Variants in DYNC2LI1 observed in about 807,000 individuals in gnomAD.
The protein encoded by DYNC2LI1 is cytoplasmic dynein 2 light intermediate chain 1.
A neutral mutation model predicts 51.9 loss-of-function variants in DYNC2LI1; 45 were observed. The observed-to-expected ratio is 0.87, with a 90% CI of 0.68 to 1.11. The LOEUF is 1.11. DYNC2LI1 is among the 50% of genes most tolerant of loss of function. The pLI is 0.00. For synonymous variants in DYNC2LI1, 130 were observed against 137.8 expected, an observed-to-expected ratio of 0.94 and a Z score of 0.40; for missense variants, 490 against 417.4, an observed-to-expected ratio of 1.17 and a Z score of -1.51.
At chr2:43,810,085 G>C (rs369311714), downstream of DYNC2LI1, 4 of 582,852 alleles carry the variant, frequency 6.9e-6, no homozygotes, top group East Asian at 4.3e-4. Flanking sequence ...ATAAAAGTAA[G>C]AGTATTTGGT....
At chr2:43,791,057 A>T (rs1175747338) in intron 5 of DYNC2LI1, among the ~76,000 whole-genome samples, 1 of 152,182 alleles carries the variant, frequency 6.6e-6, no homozygotes, top group Non-Finnish European at 1.5e-5. Flanking sequence ...TCTACAAAAA[A>T]ATTAAAAAAT....
the DYNC2LI1 span, among the ~76,000 whole-genome samples, chr2:43,820,614 A>G: frequency 6.6e-6 from 1 of 151,796 alleles, no homozygotes; most frequent in Non-Finnish European, 1.5e-5. Context: ...ACTCCATTCC[A>G]TTCTTGTCTT....
At chr2:43,780,058 G>C (rs538768599) in intron 2 of DYNC2LI1, among the ~76,000 whole-genome samples, 6 of 152,204 alleles carry the variant, frequency 3.9e-5, no homozygotes, top group African/African-American at 1.4e-4. Flanking sequence ...GTGAAGGTAG[G>C]AAGAGGCTGA....
At chr2:43,826,670 C>G in the DYNC2LI1 span, 1 of 1,274,126 alleles carries the variant, frequency 7.8e-7, no homozygotes, top group Non-Finnish European at 1.1e-6. Flanking sequence ...GGCTTTCAGC[C>G]TGAGCTCAGG....
At chr2:43,779,087 C>G (rs1463329027) in intron 2 of DYNC2LI1, among the ~76,000 whole-genome samples, 1 of 151,976 alleles carries the variant, frequency 6.6e-6, no homozygotes, top group Non-Finnish European at 1.5e-5. Context: ...AAAACCCAGT[C>G]TCCCCCCAAA....
At chr2:43,795,754 C>T in intron 6 of DYNC2LI1, 136 bp from the exon 7 acceptor site, 1 of 670,750 alleles carries the variant, frequency 1.5e-6, no homozygotes, top group South Asian at 1.9e-5. Context: ...AATATTAGAA[C>T]AAATTCTATG....
Position 43,809,744 on chromosome 2 carries a change from A to T in DYNC2LI1, c.1033A>T (p.Lys345Ter). 1.2e-6 allele frequency: 2 copies of T among 1,612,210 alleles called. No homozygotes were observed. The highest frequency in any genetic ancestry group is 1.7e-6 in the Non-Finnish European group (2 of 1,179,208). ...CAAAAGAAGTTCTTCCAAGTCTTGG[A>T]AACAAATCGAGCTTGATTCTTGAAC... ...QYKRSSSKSW[K>*]QIELDS The change falls in exon 13 of 13, where the codon AAA becomes TAA. Residue 345 changes from lysine (K) to a stop codon, truncating the protein, a stop_gained. Coordinates refer to ENST00000260605, the MANE Select transcript of DYNC2LI1 (RefSeq NM_016008.4). LOFTEE classifies it high-confidence loss of function.
chr2:43,789,586 A>G (rs140794515), intron 4 of DYNC2LI1, 47 bp from the exon 5 acceptor site: 13 of 1,451,134 alleles, frequency 9.0e-6, no homozygotes, highest in African/African-American at 2.8e-5. Flanking sequence ...CTAATGACAT[A>G]TAAGAAGTAC....
chr2:43,809,860 G>C lies in DYNC2LI1; in HGVS notation c.*93G>C. 1 of 1,484,192 alleles carries C rather than the reference G, an allele frequency of 6.7e-7. No individual in the cohort carries two copies. The highest frequency in any genetic ancestry group is 8.9e-7 in the Non-Finnish European group (1 of 1,119,812). 91.9% of individuals were successfully genotyped at this position (1,484,192 alleles called of 1,614,324 possible). ...ACTATTGTGGCAATATGTGAAGAAA[G>C]TTAAACTGTATAATTTGTTAAAGGA... On this transcript the variant is annotated 3_prime_UTR_variant, in exon 13 of 13. Coordinates refer to ENST00000260605, the MANE Select transcript of DYNC2LI1 (RefSeq NM_016008.4).
rs1666185309 is a variant in DYNC2LI1, at chr2:43,804,731, C to G, written c.892C>G (p.Pro298Ala). 1 of 1,598,530 alleles carries G rather than the reference C, an allele frequency of 6.3e-7. No homozygotes were observed. ...GAAAAAAGTGTATGAAAAGCTCTTT[C>G]CACCAAAGGTACATATTTCTAATTT... ...LWKKVYEKLF[P>A]PKSINTLKDI... Residue 298 changes from proline to alanine, a missense_variant, in exon 11 of 13, where the codon CCA becomes GCA. Physicochemically the swap from Pro to Ala is conservative, Grantham distance 27 (BLOSUM62 -1). Coordinates refer to ENST00000260605, the MANE Select transcript of DYNC2LI1 (RefSeq NM_016008.4).
At chr2:43,811,915 A>G (rs2104735611), downstream of DYNC2LI1, among the ~76,000 whole-genome samples, 1 of 152,220 alleles carries the variant, frequency 6.6e-6, no homozygotes, top group East Asian at 1.9e-4. Flanking sequence ...TTAATAACCT[A>G]TTTACATTAT....
At chr2:43,824,288 G>A in the DYNC2LI1 span, 54 of 1,614,062 alleles carry the variant, frequency 3.3e-5, no homozygotes, top group Middle Eastern at 1.6e-4. Context: ...CATTGGTAAC[G>A]TTTTCAGGTG....
At chr2:43,818,721 A>C in the DYNC2LI1 span, among the ~76,000 whole-genome samples, 1 of 152,200 alleles carries the variant, frequency 6.6e-6, no homozygotes, top group East Asian at 1.9e-4. Context: ...CTTCGTGTGA[A>C]AAAATATCCT....
chr2:43,828,190 A>C, the DYNC2LI1 span: 1 of 1,605,764 alleles, frequency 6.2e-7, no homozygotes, highest in Non-Finnish European at 8.5e-7. Context: ...TGGGGAGGAC[A>C]TGAAAGAGGC....
downstream of DYNC2LI1, among the ~76,000 whole-genome samples, chr2:43,813,718 T>G (rs1666629516): frequency 3.2e-5 from 4 of 125,154 alleles, no homozygotes; most frequent in African/African-American, 9.6e-5. Flanking sequence ...CGTTTTTTTT[T>G]TTTTTTTTTT....
intron 4 of DYNC2LI1, among the ~76,000 whole-genome samples, chr2:43,788,112 T>C (rs1197708896): frequency 2.0e-5 from 3 of 152,238 alleles, no homozygotes; most frequent in African/African-American, 7.2e-5. Flanking sequence ...AATGTAATTA[T>C]GCTTTTCATT....
chr2:43,814,696 A>G (rs1026002334), downstream of DYNC2LI1: 144 of 663,088 alleles, frequency 2.2e-4, 1 homozygote, highest in Non-Finnish European at 3.1e-4. Flanking sequence ...ATAGTTTTCT[A>G]TCTCCTTATT....
At chr2:43,823,864 GGAGGTATTTAGGGAGAAA>G in the DYNC2LI1 span, 1 of 1,591,680 alleles carries the variant, frequency 6.3e-7, no homozygotes, top group Non-Finnish European at 8.6e-7. Context: ...GCTGGAGAAG[GGAGGTATTTAGGGAGAAA>G]GAGGTGCACC....
At chr2:43,827,964 A>C in the DYNC2LI1 span, 1 of 1,613,788 alleles carries the variant, frequency 6.2e-7, no homozygotes, top group African/African-American at 1.3e-5. Context: ...AGCTAGTAAC[A>C]GTTCTGGGTG....
Sources: gnomAD v4.1 joint callset for allele counts (sites outside exome capture counted in the v4.1 genomes callset) on GRCh38, gnomAD v4.1.1 for gene constraint, MANE v1.5 for transcripts, NCBI Gene and HGNC (gene_info 2026-07-23, HGNC 2026-07-21) for gene names.